POM121: variants seen among roughly 807,000 people sequenced by gnomAD.
POM121 encodes nuclear envelope pore membrane protein POM 121.
POM121 carries 32 observed loss-of-function variants against 81.3 expected under a neutral mutation model. That is an observed-to-expected ratio of 0.39 (90% confidence interval 0.30 to 0.53). The LOEUF (loss-of-function observed/expected upper bound fraction) is 0.53, where lower values mean the gene tolerates loss of function less well. Ranked by LOEUF, POM121 falls within the 20% of genes least tolerant of loss-of-function variation. The probability of loss-of-function intolerance (pLI) is 0.66; values close to 1 mark genes in which losing one functional copy is unlikely to be tolerated. For missense variants in POM121, 1,138 were observed against 1,614.6 expected (o/e 0.70, Z 5.06); for synonymous variants, 514 against 694.2 (o/e 0.74, Z 4.08).
intron 1 of POM121, among the ~76,000 whole-genome samples, chr7:72,888,815 AT>A (rs1791005626): frequency 6.6e-6 from 1 of 152,158 alleles, no homozygotes; most frequent in Non-Finnish European, 1.5e-5. Flanking sequence ...ATATAATAAT[AT>A]TGATGTTAAT....
chr7:72,943,064 C>A lies in POM121; in HGVS notation c.3071C>A (p.Thr1024Lys). The A allele has an allele frequency of 6.2e-7, 1 of 1,613,880 alleles. No individual in the cohort carries two copies. ...AAGGTCGTGCCTGCGTACGTGCCTA[C>A]GCCCATCCATCCTATCTTTGGCGGT... Reference protein sequence around the residue: ...MIKVVPAYVPTPIHPIFGGAT... With the variant: ...MIKVVPAYVPKPIHPIFGGAT... The change falls in exon 11 of 13, where the codon ACG becomes AAG. Residue 1024 changes from threonine (T) to lysine (K), a missense_variant. Thr to Lys is a moderately conservative substitution (Grantham distance 78). Transcript: ENST00000434423.
At chr7:72,910,064 TCTA>T (rs1231998981) in intron 3 of POM121, among the ~76,000 whole-genome samples, 2 of 152,224 alleles carry the variant, frequency 1.3e-5, no homozygotes, top group Non-Finnish European at 2.9e-5. Flanking sequence ...GGCCAGGACT[TCTA>T]CACATATTTA....
chr7:72,938,194 G>T (rs1315294655), intron 5 of POM121, among the ~76,000 whole-genome samples: 1 of 150,390 alleles, frequency 6.6e-6, no homozygotes, highest in Non-Finnish European at 1.5e-5. Context: ...CTTTTCAGGG[G>T]TCTTTCTTCA....
rs782650158 is a variant in POM121, at chr7:72,925,566, C to G, written c.445C>G (p.Pro149Ala). The G allele has an allele frequency of 2.2e-5, 33 of 1,531,786 alleles. No homozygotes were observed. In the South Asian group the frequency reaches 3.3e-4, roughly 15 times the overall value. The allele number at this position is 1,531,786 out of a possible 1,614,324, so 94.9% of individuals were successfully genotyped here. A position where few individuals can be genotyped will look rare whatever the true frequency, so the allele number is the denominator to read the frequency against. Residue 149 changes from proline to alanine, a missense_variant, in exon 1 of 13, where the codon CCC (proline) becomes GCC (alanine). Pro to Ala is a conservative substitution (Grantham distance 27). Transcript: ENST00000434423. The stretch of plus-strand genomic sequence containing the variant: ...CCTGGGCAAGCCCGGGCCGCCGCAG[C>G]CCGCCGCCGCTCCGGAGGGCCAGGA... ...SYLGKPGPPQ[P>A]AAAPEGQDLR...
rs1795847508 is a variant in POM121 at position 72,929,923 on chromosome 7, G to A, written c.1104-17G>A. 1.9e-6 allele frequency: 3 copies of A among 1,571,802 alleles called. No homozygotes were observed. The highest frequency in any genetic ancestry group is 1.7e-6 in the Non-Finnish European group (2 of 1,155,518). ...TTTGCCTTCAATAAAGCATCTAACT[G>A]TCTTCTCTTTTATTAGGCCTGGGTC... On this transcript the variant is annotated splice_polypyrimidine_tract_variant and intron_variant, in intron 4 of 12. Coordinates refer to ENST00000434423, the MANE Select transcript of POM121 (RefSeq NM_001387691.1).
In POM121 at chr7:72,943,167, C is replaced by T. The variant is rs570637577; in HGVS notation, c.3174C>T (p.Gly1058=). 2.7e-5 allele frequency: 44 copies of T among 1,613,394 alleles called. No individual in the cohort carries two copies. The highest frequency in any genetic ancestry group is 3.4e-5 in the Non-Finnish European group (40 of 1,179,802). ...GAPASSQPAF[G]GSTAVFFGAA... ...CCGCCAGCTCACAGCCCGCCTTTGG[C>T]GGCTCCACTGCTGTCTTCTTCGGTG... Residue 1058 remains glycine (G), a synonymous_variant, in exon 11 of 13, where the codon GGC becomes GGT. Transcript: ENST00000434423.
intron 4 of POM121, among the ~76,000 whole-genome samples, chr7:72,928,911 G>A (rs1554498082): frequency 6.6e-6 from 1 of 152,178 alleles, no homozygotes. Flanking sequence ...GTGTGATGTG[G>A]CCGCCAGGAA....
At chr7:72,914,720 C>T (rs1352402575) in intron 4 of POM121, among the ~76,000 whole-genome samples, 1 of 152,120 alleles carries the variant, frequency 6.6e-6, no homozygotes, top group Non-Finnish European at 1.5e-5. Context: ...TTGCACAAAG[C>T]AGGTGGTGGT....
At chr7:72,920,280 A>G (rs1182476226), upstream of POM121, among the ~76,000 whole-genome samples, 1 of 148,144 alleles carries the variant, frequency 6.8e-6, no homozygotes, top group Non-Finnish European at 1.5e-5. Flanking sequence ...TTGCTTATTT[A>G]TATGCCTAGT....
intron 3 of POM121, among the ~76,000 whole-genome samples, chr7:72,905,268 CTT>C (rs1162340779): frequency 6.6e-6 from 1 of 152,156 alleles, no homozygotes; most frequent in Non-Finnish European, 1.5e-5. Context: ...GCGACTTACT[CTT>C]TGACCCATGA....
At chr7:72,926,545 A>AT (rs1795465953) in intron 2 of POM121, 68 bp downstream of exon 2, 1 of 1,601,580 alleles carries the variant, frequency 6.2e-7, no homozygotes, top group Non-Finnish European at 8.5e-7. Context: ...AGTTGTTCCT[A>AT]TGACATGACT....
At chr7:72,905,899 C>CGTAT (rs1265165190) in intron 3 of POM121, among the ~76,000 whole-genome samples, 1 of 151,978 alleles carries the variant, frequency 6.6e-6, no homozygotes, top group East Asian at 1.9e-4. Flanking sequence ...TCTAAGCTTC[C>CGTAT]GTATATCCTG....
At chr7:72,921,681 C>G (rs1794830761), upstream of POM121, among the ~76,000 whole-genome samples, 1 of 152,196 alleles carries the variant, frequency 6.6e-6, no homozygotes, top group African/African-American at 2.4e-5. Context: ...AAGTCTGGAT[C>G]AGCAGACTGC....
At chr7:72,927,327 T>C (rs1795558592) in intron 3 of POM121, among the ~76,000 whole-genome samples, 1 of 152,178 alleles carries the variant, frequency 6.6e-6, no homozygotes, top group Admixed American at 6.5e-5. Flanking sequence ...ACCAGTTCCA[T>C]GTTCCAGTGT....
intron 1 of POM121, among the ~76,000 whole-genome samples, chr7:72,889,187 T>A (rs1385823831): frequency 2.0e-5 from 3 of 152,230 alleles, no homozygotes; most frequent in African/African-American, 7.2e-5. Flanking sequence ...AGAAAGTTAT[T>A]ACTCTCTCTT....
intron 5 of POM121, among the ~76,000 whole-genome samples, chr7:72,934,108 A>G (rs1471696444): frequency 6.6e-6 from 1 of 151,862 alleles, no homozygotes; most frequent in Non-Finnish European, 1.5e-5. Flanking sequence ...CTTTTGAGAC[A>G]GAGTCTCGCA....
rs574929183 is a variant in POM121, at chr7:72,945,117, C to T, written c.3530-469C>T. On this transcript the variant is annotated intron_variant, in intron 11 of 12. Coordinates refer to ENST00000434423, the MANE Select transcript of POM121 (RefSeq NM_001387691.1). ...GCAGAGGGGCTGCCAGAGAGGGCCTCGGGCAGGCAGCCAGAGCCAGTCAGG... is the reference window on the plus strand; with the variant it reads ...GCAGAGGGGCTGCCAGAGAGGGCCTTGGGCAGGCAGCCAGAGCCAGTCAGG... Among the ~76,000 whole-genome samples the T allele has an allele frequency of 1.5e-4, 23 of 152,172 alleles. No individual in the cohort carries two copies. The South Asian group carries it at 1.9e-3, about 12-fold the overall frequency.
At chr7:72,885,176 G>C (rs1489072237) in intron 1 of POM121, among the ~76,000 whole-genome samples, 3 of 152,060 alleles carry the variant, frequency 2.0e-5, no homozygotes, top group Non-Finnish European at 4.4e-5. Flanking sequence ...GATTTAGACT[G>C]TGAATTTTTG....
At chr7:72,940,285 C>CA in intron 8 of POM121, 129 bp from the exon 9 acceptor site, 1 of 608,132 alleles carries the variant, frequency 1.6e-6, no homozygotes, top group African/African-American at 2.0e-5. Flanking sequence ...AGGCCGGCCT[C>CA]AAACTCCTGA....
Sources: gnomAD v4.1 joint callset for allele counts (sites outside exome capture counted in the v4.1 genomes callset) on GRCh38, gnomAD v4.1.1 for gene constraint, MANE v1.5 for transcripts, NCBI Gene and HGNC (gene_info 2026-07-23, HGNC 2026-07-21) for gene names.